ANO4: variants seen among roughly 807,000 people sequenced by gnomAD.
ANO4 encodes anoctamin 4.
In ANO4, 69 loss-of-function variants were observed where a neutral mutation model predicts 141.9. The ratio of observed to expected loss-of-function variants is 0.49; its 90% CI spans 0.40 to 0.59. ANO4 has a LOEUF of 0.59. ANO4 is among the 20% of genes least tolerant of loss of function. The probability of loss-of-function intolerance (pLI) is 0.00; values close to 1 mark genes in which losing one functional copy is unlikely to be tolerated. For missense variants in ANO4, 894 were observed against 1,162.2 expected (o/e 0.77, Z 3.36); for synonymous variants, 350 against 394.3 (o/e 0.89, Z 1.33).
intron 1 of ANO4, among the ~76,000 whole-genome samples, chr12:100,821,472 A>G (rs1032096588): frequency 5.3e-5 from 8 of 152,074 alleles, no homozygotes; most frequent in African/African-American, 1.9e-4. Context: ...GACTCAGTTC[A>G]TTTTTCTGCT....
At chr12:100,981,977 C>T (rs1203599297) in intron 7 of ANO4, among the ~76,000 whole-genome samples, 2 of 152,160 alleles carry the variant, frequency 1.3e-5, no homozygotes, top group Non-Finnish European at 2.9e-5. Flanking sequence ...CATCGCAGAG[C>T]TGGCAAGTTT....
chr12:100,916,040 G>A lies in ANO4; in HGVS notation c.56-6186G>A, dbSNP rs150850520. 3.1e-3 allele frequency among the ~76,000 whole-genome samples: 331 copies of A among 107,476 alleles called. 2 individuals are homozygous for A. The highest frequency in any genetic ancestry group is 0.021 in the East Asian group (78 of 3,726). The allele number at this position is 107,476 out of a possible 152,430, so 70.5% of individuals were successfully genotyped here. On this transcript the variant is annotated intron_variant, in intron 2 of 27. Coordinates refer to ENST00000392977, the MANE Select transcript of ANO4 (RefSeq NM_001286615.2). ...AGTGAGTGGAGGGCAAGTGGAAAGTGGTAGTAATGTAACTTTTACATTGTT... is the reference window on the plus strand; with the variant it reads ...AGTGAGTGGAGGGCAAGTGGAAAGTAGTAGTAATGTAACTTTTACATTGTT...
intron 7 of ANO4, 68 bp from the exon 8 acceptor site, chr12:100,987,471 C>T (rs1042233693): frequency 2.7e-5 from 43 of 1,576,582 alleles, no homozygotes; most frequent in Non-Finnish European, 3.5e-5. Flanking sequence ...CTGCGGAGAC[C>T]TTCCTCCTGT....
intron 1 of ANO4, among the ~76,000 whole-genome samples, chr12:100,822,015 T>C (rs966572316): frequency 6.6e-6 from 1 of 151,912 alleles, no homozygotes; most frequent in Admixed American, 6.6e-5. Context: ...AAAAACAGTT[T>C]TGGGCATCTT....
chr12:100,764,356 T>A (rs1009545998), intron 3 of ANO4, among the ~76,000 whole-genome samples: 2 of 152,252 alleles, frequency 1.3e-5, no homozygotes, highest in African/African-American at 4.8e-5. Flanking sequence ...TTTACTTTGC[T>A]CTGCCGTCAG....
chr12:100,755,382 A>G (rs559931698), intron 3 of ANO4, among the ~76,000 whole-genome samples: 4 of 152,078 alleles, frequency 2.6e-5, no homozygotes, highest in African/African-American at 9.6e-5. Flanking sequence ...ATCCCATAGC[A>G]CCTTATTCAG....
rs377622025 is a variant in ANO4 at position 100,758,936 on chromosome 12, A to C, written c.358+18831A>C. On this transcript the variant is annotated intron_variant, in intron 3 of 29. Coordinates refer to the ANO4 transcript ENST00000644049. ...TCTTCCCTTTTTCTGTCTCTTATAC[A>C]AACACCTGTCATTGGACTTAAAATC... Among the ~76,000 whole-genome samples, 8 of 152,118 alleles carry C rather than the reference A, an allele frequency of 5.3e-5. No individual in the cohort carries two copies. In the East Asian group the frequency reaches 1.5e-3, roughly 29 times the overall value.
intron 1 of ANO4, among the ~76,000 whole-genome samples, chr12:100,853,308 C>G (rs1008107403): frequency 6.6e-6 from 1 of 151,972 alleles, no homozygotes; most frequent in Non-Finnish European, 1.5e-5. Context: ...ATATAATTTA[C>G]CATTCTTTTA....
intron 1 of ANO4, among the ~76,000 whole-genome samples, chr12:100,826,413 G>A (rs769858003): frequency 1.3e-5 from 2 of 152,002 alleles, no homozygotes; most frequent in Non-Finnish European, 2.9e-5. Context: ...AAGCCCAGTG[G>A]TATCCATTAA....
At chr12:101,074,409 A>G (rs2048945421) in intron 14 of ANO4, among the ~76,000 whole-genome samples, 1 of 152,302 alleles carries the variant, frequency 6.6e-6, no homozygotes, top group Admixed American at 6.5e-5. Context: ...GCACCCCGCA[A>G]TGTTTTAAGA....
At chr12:101,090,318 A>G in intron 17 of ANO4, among the ~76,000 whole-genome samples, 1 of 152,246 alleles carries the variant, frequency 6.6e-6, no homozygotes, top group Non-Finnish European at 1.5e-5. Context: ...TTGCAGCACT[A>G]TTCACAATAG....
intron 24 of ANO4, among the ~76,000 whole-genome samples, chr12:101,112,008 A>C (rs1399026250): frequency 6.6e-6 from 1 of 152,168 alleles, no homozygotes; most frequent in East Asian, 1.9e-4. Context: ...TCTGCCCACT[A>C]TGAATTTAGA....
At chr12:101,103,179 CATTTTATATATATATATATATATA>C (rs2050261175) in intron 22 of ANO4, among the ~76,000 whole-genome samples, 1 of 70,274 alleles carries the variant, frequency 1.4e-5, no homozygotes, top group African/African-American at 6.8e-5. Flanking sequence ...CCTTTTTAGT[CATTTTATATATATATATATATATA>C]TATATATATA....
In ANO4 at chr12:100,767,886, C is replaced by T. The variant is rs12319569; in HGVS notation, c.358+27781C>T. On this transcript the variant is annotated intron_variant, in intron 3 of 29. Coordinates refer to the ANO4 transcript ENST00000644049. ...CCCCACCTCACATGGAGGCTGGGTC[C>T]GTGGGTGATGGACTAGAAACTAGTT... Among the ~76,000 whole-genome samples, 501 of 152,228 alleles carry T rather than the reference C, an allele frequency of 3.3e-3. 3 individuals carry two copies. The highest frequency in any genetic ancestry group is 0.011 in the African/African-American group (471 of 41,536).
At chr12:100,905,326 T>C (rs2040791846) in intron 2 of ANO4, among the ~76,000 whole-genome samples, 1 of 152,088 alleles carries the variant, frequency 6.6e-6, no homozygotes, top group Admixed American at 6.6e-5. Context: ...GGCTGAGATC[T>C]GGGACACTCC....
intron 1 of ANO4, among the ~76,000 whole-genome samples, chr12:100,887,276 T>A (rs1299049199): frequency 6.6e-6 from 1 of 152,246 alleles, no homozygotes; most frequent in Non-Finnish European, 1.5e-5. Flanking sequence ...GGTGATCTCA[T>A]TTAATAAGTG....
At chr12:100,937,584 T>G (rs950471328) in intron 3 of ANO4, among the ~76,000 whole-genome samples, 1 of 152,196 alleles carries the variant, frequency 6.6e-6, no homozygotes, top group African/African-American at 2.4e-5. Context: ...TGGTTTTTTT[T>G]CTTTGTAGCC....
intron 1 of ANO4, among the ~76,000 whole-genome samples, chr12:100,819,208 A>G (rs1356176863): frequency 6.6e-6 from 1 of 151,812 alleles, no homozygotes; most frequent in African/African-American, 2.4e-5. Flanking sequence ...TATAGCCAAA[A>G]TTTACTACTC....
At chr12:100,974,802 TG>T (rs2044090308) in intron 6 of ANO4, 42 bp from the exon 7 acceptor site, 1 of 1,605,862 alleles carries the variant, frequency 6.2e-7, no homozygotes, top group East Asian at 2.2e-5. Context: ...TAACTGACGA[TG>T]GGTTTTCTTC....
Sources: gnomAD v4.1 joint callset for allele counts (sites outside exome capture counted in the v4.1 genomes callset) on GRCh38, gnomAD v4.1.1 for gene constraint, MANE v1.5 for transcripts, NCBI Gene and HGNC (gene_info 2026-07-23, HGNC 2026-07-21) for gene names.